DIP2C: variants seen among roughly 807,000 people sequenced by gnomAD.
DIP2C encodes the protein DIP2 acetate--CoA ligase C (putative).
Under a neutral mutation model 192.4 loss-of-function variants are expected in DIP2C, and 33 were observed. That is an observed-to-expected ratio of 0.17 (90% CI 0.13 to 0.23). DIP2C has a LOEUF of 0.23. Among genes scored for constraint, DIP2C ranks in the 10% least tolerant of loss-of-function variants. The pLI is 1.00. For synonymous variants in DIP2C, 979 were observed against 864.1 expected, an observed-to-expected ratio of 1.13 and a Z score of -2.33; for missense variants, 1,537 against 2,110.1, an observed-to-expected ratio of 0.73 and a Z score of 5.32.
rs1318599911 is a variant in DIP2C at position 589,506 on chromosome 10, A to G, written c.85+99988T>C. Reference sequence around the variant, plus strand: ...GGTCCACCTTAATTTTCATACAGGAATTTCTCCTTGTTTTCACTCTTTTGC... The same window carrying G: ...GGTCCACCTTAATTTTCATACAGGAGTTTCTCCTTGTTTTCACTCTTTTGC... On this transcript the variant is annotated intron_variant, in intron 1 of 36. Coordinates refer to ENST00000280886, the MANE Select transcript of DIP2C (RefSeq NM_014974.3). Among the ~76,000 whole-genome samples the G allele has an allele frequency of 2.0e-5, 3 of 152,074 alleles. No homozygotes were observed. The East Asian group carries it at 5.8e-4, about 29-fold the overall frequency.
chr10:498,633 T>G (rs1845021255), intron 1 of DIP2C, among the ~76,000 whole-genome samples: 1 of 152,164 alleles, frequency 6.6e-6, no homozygotes, highest in East Asian at 1.9e-4. Context: ...TTCTGCCCAT[T>G]CCTTCCCAGA....
At chr10:463,299 A>T (rs1181775285) in intron 3 of DIP2C, among the ~76,000 whole-genome samples, 1 of 152,216 alleles carries the variant, frequency 6.6e-6, no homozygotes, top group African/African-American at 2.4e-5. Flanking sequence ...ACTTCAGCAA[A>T]GTCTCAGGAT....
chr10:511,494 C>T (rs954955329), intron 1 of DIP2C, among the ~76,000 whole-genome samples: 6 of 152,196 alleles, frequency 3.9e-5, no homozygotes, highest in African/African-American at 1.4e-4. Context: ...TGCTTAAACA[C>T]GGAGAAGTAT....
rs747180867 is a variant in DIP2C, at chr10:390,872, G to A, written c.1261-9C>T. 6.2e-7 allele frequency: 1 copy of A among 1,613,512 alleles called. No individual in the cohort carries two copies. The highest frequency in any genetic ancestry group is 8.5e-7 in the Non-Finnish European group (1 of 1,179,750). On this transcript the variant is annotated splice_polypyrimidine_tract_variant and intron_variant, in intron 10 of 36. Coordinates refer to ENST00000280886, the MANE Select transcript of DIP2C (RefSeq NM_014974.3). ...TGCTGGCTCCCTGCGTCCTGAGAGG[G>A]CAACAGAGAGGAGTTGAGAATCCAC...
At chr10:309,348 C>T (rs1956473640) in intron 32 of DIP2C, among the ~76,000 whole-genome samples, 1 of 152,070 alleles carries the variant, frequency 6.6e-6, no homozygotes, top group Non-Finnish European at 1.5e-5. Flanking sequence ...TAACCTGACC[C>T]CTAACCCCTA....
intron 1 of DIP2C, among the ~76,000 whole-genome samples, chr10:542,334 T>C (rs1848042611): frequency 6.6e-6 from 1 of 152,220 alleles, no homozygotes; most frequent in Non-Finnish European, 1.5e-5. Flanking sequence ...AGATGCTCTA[T>C]GTCTTCTCCT....
intron 1 of DIP2C, among the ~76,000 whole-genome samples, chr10:531,942 TCTAA>T (rs1241793782): frequency 2.0e-5 from 3 of 152,226 alleles, no homozygotes; most frequent in African/African-American, 4.8e-5. Flanking sequence ...TAGTTATAAC[TCTAA>T]CTTTGTTTTA....
rs572413087 is a variant in DIP2C, at chr10:360,542, T to C, written c.2794+1948A>G. ...CTCAGGGCACAGGGCGGGAGTTTTATCTCAAAGACAGCAGCGAGACACACA... is the reference window on the plus strand; with the variant it reads ...CTCAGGGCACAGGGCGGGAGTTTTACCTCAAAGACAGCAGCGAGACACACA... On this transcript the variant is annotated intron_variant, in intron 22 of 36. Transcript: ENST00000280886. Among the ~76,000 whole-genome samples the C allele has an allele frequency of 5.9e-5, 9 of 152,278 alleles. No homozygotes were observed. In the South Asian group the frequency reaches 1.9e-3, roughly 32 times the overall value.
chr10:575,645 C>T (rs1456135562), intron 1 of DIP2C, among the ~76,000 whole-genome samples: 2 of 152,164 alleles, frequency 1.3e-5, no homozygotes, highest in Non-Finnish European at 2.9e-5. Flanking sequence ...ACATGACATC[C>T]AAGAGCAGAA....
intron 1 of DIP2C, chr10:650,127 G>C (rs779641874): frequency 2.8e-5 from 20 of 717,322 alleles, no homozygotes; most frequent in South Asian, 2.5e-4. Flanking sequence ...TCCTCCCGTT[G>C]GGACAAGGAC....
At chr10:358,330 T>C (rs969263466) in intron 22 of DIP2C, among the ~76,000 whole-genome samples, 1 of 150,846 alleles carries the variant, frequency 6.6e-6, no homozygotes, top group Admixed American at 6.6e-5. Context: ...CTGTTCGAGT[T>C]CTCTGGGGTC....
At chr10:579,385 TAC>T (rs1850420727) in intron 1 of DIP2C, among the ~76,000 whole-genome samples, 1 of 152,130 alleles carries the variant, frequency 6.6e-6, no homozygotes, top group Non-Finnish European at 1.5e-5. Flanking sequence ...ACTATGTGTG[TAC>T]AGTGTACACA....
chr10:524,296 G>A (rs954691098), intron 1 of DIP2C, among the ~76,000 whole-genome samples: 7 of 152,188 alleles, frequency 4.6e-5, no homozygotes, highest in African/African-American at 7.2e-5. Context: ...GGCCTGGAAC[G>A]CGGGAGGCAC....
rs1396024247 is a variant in DIP2C, at chr10:415,778, A to G, written c.850T>C (p.Leu284=). 7 of 1,614,014 alleles carry G rather than the reference A, an allele frequency of 4.3e-6. No individual in the cohort carries two copies. Among genetic ancestry groups the G allele is most frequent in the Admixed American group, 3.3e-5 (2 of 60,006 alleles). The change falls in exon 7 of 37, where the codon TTA becomes CTA. Residue 284 remains leucine (L), a synonymous_variant. Transcript: ENST00000280886. ...REFFVDDFEE[L]LEVQQPDPNQ... is the part of the protein sequence containing the mutation. Reference sequence around the variant, plus strand: ...TAAAGAGTTCTCTCACCTTCTAATAATTCTTCAAAGTCATCGACAAAGAAT... The same window carrying G: ...TAAAGAGTTCTCTCACCTTCTAATAGTTCTTCAAAGTCATCGACAAAGAAT...
intron 17 of DIP2C, among the ~76,000 whole-genome samples, chr10:376,693 C>CAGAACAT (rs1405123909): frequency 6.6e-6 from 1 of 151,724 alleles, no homozygotes; most frequent in East Asian, 1.9e-4. Flanking sequence ...ACACAGAACA[C>CAGAACAT]AGAACATCTC....
chr10:494,316 G>A (rs1428545988), intron 1 of DIP2C, among the ~76,000 whole-genome samples: 1 of 152,118 alleles, frequency 6.6e-6, no homozygotes, highest in Admixed American at 6.5e-5. Flanking sequence ...GAGCTCCATG[G>A]TCACTGTGTG....
chr10:548,426 G>T (rs994876795), intron 1 of DIP2C, among the ~76,000 whole-genome samples: 5 of 147,254 alleles, frequency 3.4e-5, no homozygotes, highest in African/African-American at 1.0e-4. Context: ...AGCAGGAGCC[G>T]CGGAGGCCAC....
chr10:458,561 G>A (rs1392668128), intron 3 of DIP2C, among the ~76,000 whole-genome samples: 1 of 151,476 alleles, frequency 6.6e-6, no homozygotes, highest in Non-Finnish European at 1.5e-5. Context: ...GTGTGACGGA[G>A]TGCTCAGAAC....
At chr10:335,672 G>T (rs1220693937) in intron 29 of DIP2C, among the ~76,000 whole-genome samples, 1 of 152,248 alleles carries the variant, frequency 6.6e-6, no homozygotes, top group East Asian at 1.9e-4. Flanking sequence ...GAGTATCGCG[G>T]ATGCGGCTCT....
Sources: gnomAD v4.1 joint callset for allele counts (sites outside exome capture counted in the v4.1 genomes callset) on GRCh38, gnomAD v4.1.1 for gene constraint, MANE v1.5 for transcripts, NCBI Gene and HGNC (gene_info 2026-07-23, HGNC 2026-07-21) for gene names.